RAD23B: variants seen among roughly 807,000 people sequenced by gnomAD.
The protein encoded by RAD23B is lysine-specific demethylase RAD23B.
A neutral mutation model predicts 49.1 loss-of-function variants in RAD23B; 5 were observed. That is an observed-to-expected ratio of 0.10 (90% CI 0.05 to 0.21). The LOEUF is 0.21. RAD23B is among the 10% of genes least tolerant of loss of function. The probability of loss-of-function intolerance (pLI) is 1.00; values close to 1 mark genes in which losing one functional copy is unlikely to be tolerated. For synonymous variants in RAD23B, 184 were observed against 165.4 expected (o/e 1.11, Z -0.86); for missense variants, 356 against 486.7 (o/e 0.73, Z 2.53).
intron 4 of RAD23B, 22 bp downstream of exon 4, chr9:107,306,669 A>T (rs1304946827): frequency 1.3e-6 from 2 of 1,591,634 alleles, no homozygotes; most frequent in African/African-American, 2.7e-5. Context: ...ATTCTAGGAC[A>T]TTCTATCTCA....
chr9:107,292,863 G>A (rs944632318), intron 1 of RAD23B, among the ~76,000 whole-genome samples: 6 of 152,154 alleles, frequency 3.9e-5, no homozygotes, highest in Middle Eastern at 3.4e-3. Context: ...GAGGATAATA[G>A]TATCTACCTG....
intron 4 of RAD23B, among the ~76,000 whole-genome samples, chr9:107,307,265 A>G (rs1222776398): frequency 1.3e-5 from 2 of 152,246 alleles, no homozygotes; most frequent in South Asian, 2.1e-4. Flanking sequence ...GGAGCAAGAA[A>G]TAATTTCTTG....
chr9:107,284,845 A>G, intron 1 of RAD23B: 2 of 1,242,338 alleles, frequency 1.6e-6, no homozygotes, highest in Non-Finnish European at 2.1e-6. Flanking sequence ...CCTTGGGCAA[A>G]TTACGGTTAG....
chr9:107,328,436 T>A (rs1216184940), intron 9 of RAD23B, among the ~76,000 whole-genome samples: 1 of 152,112 alleles, frequency 6.6e-6, no homozygotes, highest in Non-Finnish European at 1.5e-5. Flanking sequence ...GGTTTTGGGA[T>A]GAAACTGTTT....
At chr9:107,297,757 C>G (rs1398346387) in intron 1 of RAD23B, among the ~76,000 whole-genome samples, 1 of 142,860 alleles carries the variant, frequency 7.0e-6, no homozygotes, top group Admixed American at 7.0e-5. Flanking sequence ...CTTTTTTTTC[C>G]TTTGGTCCTC....
chr9:107,315,458 T>C (rs1826973554), intron 5 of RAD23B, among the ~76,000 whole-genome samples: 2 of 152,184 alleles, frequency 1.3e-5, no homozygotes, highest in Non-Finnish European at 2.9e-5. Flanking sequence ...CATCACCACC[T>C]CTTTTGCCTC....
At chr9:107,295,012 G>A (rs1826472066) in intron 1 of RAD23B, among the ~76,000 whole-genome samples, 1 of 151,622 alleles carries the variant, frequency 6.6e-6, no homozygotes, top group Non-Finnish European at 1.5e-5. Flanking sequence ...ATTAAGAAGT[G>A]TGGTATCATT....
chr9:107,313,846 G>A (rs1050321098), intron 5 of RAD23B, among the ~76,000 whole-genome samples: 7 of 151,976 alleles, frequency 4.6e-5, no homozygotes, highest in African/African-American at 1.7e-4. Flanking sequence ...TTTTGGCCCA[G>A]TAAGTCTGTT....
intron 7 of RAD23B, 79 bp from the exon 8 acceptor site, chr9:107,323,810 TG>T: frequency 7.9e-7 from 1 of 1,272,076 alleles, no homozygotes; most frequent in Non-Finnish European, 1.1e-6. Context: ...TGATAGTGTT[TG>T]CTGTCTAAAT....
intron 1 of RAD23B, chr9:107,284,235 T>C: frequency 1.0e-6 from 1 of 985,102 alleles, no homozygotes; most frequent in Non-Finnish European, 1.2e-6. Context: ...CAGAATTGTT[T>C]ACCCTTTTAT....
chr9:107,324,532 T>A (rs1252923250), intron 8 of RAD23B, among the ~76,000 whole-genome samples: 1 of 152,130 alleles, frequency 6.6e-6, no homozygotes, highest in African/African-American at 2.4e-5. Context: ...GAATAAGTTC[T>A]ATTCTTATAG....
At chr9:107,284,100 G>A in intron 1 of RAD23B, 1 of 1,001,886 alleles carries the variant, frequency 1.0e-6, no homozygotes, top group South Asian at 4.6e-5. Context: ...GTGTGGACCT[G>A]GTTAGCCGCT....
intron 3 of RAD23B, among the ~76,000 whole-genome samples, chr9:107,303,694 A>C (rs757607590): frequency 2.0e-5 from 3 of 152,164 alleles, no homozygotes; most frequent in African/African-American, 7.2e-5. Context: ...TCATCTGTCT[A>C]TGTTATAGCT....
chr9:107,328,667 G>A (rs117351128), intron 9 of RAD23B, among the ~76,000 whole-genome samples: 4,602 of 152,208 alleles, frequency 0.03, 86 homozygotes, highest in Non-Finnish European at 0.042. Context: ...CCTCCCGTGC[G>A]GCCCAGTTCC....
intron 5 of RAD23B, among the ~76,000 whole-genome samples, chr9:107,315,319 G>A (rs1826969047): frequency 6.6e-6 from 1 of 152,036 alleles, no homozygotes. Flanking sequence ...TCTCTATTCT[G>A]TTCCATTGAT....
rs1202035942 is a variant in RAD23B at position 107,306,067 on chromosome 9, ATATATCTATATATC to A, written c.229-306_229-293del. Among the ~76,000 whole-genome samples the A allele has an allele frequency of 7.1e-4, 95 of 133,678 alleles. 5 individuals carry two copies. The South Asian group carries it at 7.4e-3, about 10-fold the overall frequency. 87.7% of individuals were successfully genotyped at this position (133,678 alleles called of 152,430 possible). On this transcript the variant is annotated intron_variant, in intron 3 of 9. Transcript: ENST00000358015. ...GGTTTATATCTATATATATATATAT[ATATATCTATATATC>A]TATATATATTTCAAATTTTTTATTT...
Position 107,329,784 on chromosome 9 carries a change from G to GA in RAD23B, c.*129dup. The GA allele has an allele frequency of 2.9e-6, 1 of 339,940 alleles. No individual in the cohort carries two copies. The highest frequency in any genetic ancestry group is 2.9e-5 in the South Asian group (1 of 34,566). The allele number at this position is 339,940 out of a possible 1,614,324, so 21.1% of individuals were successfully genotyped here. A position where few individuals can be genotyped will look rare whatever the true frequency, so the allele number is the denominator to read the frequency against. ...AAGGTAGTAGATTGTTGGGGGTGGG[G>GA]AGGGAGGGATCTAGGATACAGGGCA... On this transcript the variant is annotated 3_prime_UTR_variant, in exon 10 of 10. Coordinates refer to ENST00000358015, the MANE Select transcript of RAD23B (RefSeq NM_002874.5).
intron 4 of RAD23B, among the ~76,000 whole-genome samples, chr9:107,309,399 A>G (rs762824602): frequency 1.8e-4 from 27 of 152,222 alleles, no homozygotes; most frequent in Non-Finnish European, 3.5e-4. Context: ...CAGGTTGCAG[A>G]AGAGTATAGG....
intron 3 of RAD23B, among the ~76,000 whole-genome samples, chr9:107,304,591 C>A (rs533651603): frequency 3.9e-4 from 60 of 152,256 alleles, no homozygotes; most frequent in African/African-American, 1.4e-3. Flanking sequence ...TTTATTAGTT[C>A]AAATCAAAAA....
Sources: allele counts gnomAD v4.1 joint callset (sites outside exome capture counted in the v4.1 genomes callset), GRCh38; gene constraint gnomAD v4.1.1; transcripts MANE v1.5; gene names NCBI Gene and HGNC (gene_info 2026-07-23, HGNC 2026-07-21).